The following BLM variants were observed in gnomAD, a reference collection of about 807,000 sequenced individuals.
BLM encodes recQ-like DNA helicase BLM.
In BLM, 95 loss-of-function variants were observed where a neutral mutation model predicts 135.3. That is an observed-to-expected ratio of 0.70 (90% CI 0.59 to 0.83). BLM has a LOEUF of 0.83. Ranked by LOEUF, BLM falls within the 40% of genes least tolerant of loss-of-function variation. The probability of loss-of-function intolerance (pLI) is 0.00; values close to 1 mark genes in which losing one functional copy is unlikely to be tolerated. For missense variants in BLM, 1,518 were observed against 1,663.9 expected, an observed-to-expected ratio of 0.91 and a Z score of 1.53; for synonymous variants, 520 against 589.2, an observed-to-expected ratio of 0.88 and a Z score of 1.70.
In BLM at chr15:90,780,260, T is replaced by A. The variant is rs1896586758; in HGVS notation, c.2556-2562T>A. Among the ~76,000 whole-genome samples, 3 of 152,206 alleles carry A rather than the reference T, an allele frequency of 2.0e-5. 1 individual carries two copies. In the South Asian group the frequency reaches 6.2e-4, roughly 32 times the overall value. ...CCACCATGCCTGGCTAGTTTTTGTATTTTTAGTAGAGACAGGGTTTCACCA... is the reference window on the plus strand; with the variant it reads ...CCACCATGCCTGGCTAGTTTTTGTAATTTTAGTAGAGACAGGGTTTCACCA... On this transcript the variant is annotated intron_variant, in intron 12 of 21. Coordinates refer to ENST00000355112, the MANE Select transcript of BLM (RefSeq NM_000057.4).
At chr15:90,780,285 A>G (rs556082803) in intron 12 of BLM, among the ~76,000 whole-genome samples, 2 of 152,218 alleles carry the variant, frequency 1.3e-5, no homozygotes, top group Admixed American at 6.5e-5. Context: ...GGGTTTCACC[A>G]TGTTGGTTAG....
intron 10 of BLM, 51 bp from the exon 11 acceptor site, chr15:90,769,082 T>G: frequency 7.7e-5 from 105 of 1,361,420 alleles, no homozygotes; most frequent in Non-Finnish European, 1.0e-4. Flanking sequence ...CACAGAATCA[T>G]GAGGTGATGT....
At chr15:90,722,904 G>A (rs998597372) in intron 1 of BLM, among the ~76,000 whole-genome samples, 13 of 152,078 alleles carry the variant, frequency 8.5e-5, no homozygotes, top group Admixed American at 5.2e-4. Flanking sequence ...GCAGTGGCGC[G>A]ATCTCGGCTC....
Position 90,766,904 on chromosome 15 carries a change from A to G in BLM, c.2194-6A>G, listed in dbSNP as rs946104255. 7 of 1,535,818 alleles carry G rather than the reference A, an allele frequency of 4.6e-6. No individual in the cohort carries two copies. In the Admixed American group the frequency reaches 5.0e-5, roughly 11 times the overall value. On this transcript the variant is annotated splice_region_variant and splice_polypyrimidine_tract_variant and intron_variant, in intron 9 of 21. Transcript: ENST00000355112. Reference sequence around the variant, plus strand: ...AATTGAAATTGTTTACTACTTTTATACTTAGATTCCAGCTACATATCTGAC... The same window carrying G: ...AATTGAAATTGTTTACTACTTTTATGCTTAGATTCCAGCTACATATCTGAC...
intron 4 of BLM, 65 bp from the exon 5 acceptor site, chr15:90,754,746 C>T: frequency 6.5e-7 from 1 of 1,535,886 alleles, no homozygotes; most frequent in Non-Finnish European, 8.9e-7. Flanking sequence ...TTAAGGGTTT[C>T]AAAATTATAC....
chr15:90,789,976 C>A (rs1394507789), intron 14 of BLM, among the ~76,000 whole-genome samples: 1 of 137,504 alleles, frequency 7.3e-6, no homozygotes, highest in African/African-American at 2.8e-5. Context: ...CTAAGATCCG[C>A]AGTCCCTGGT....
At chr15:90,738,545 A>G (rs1214361376) in intron 1 of BLM, among the ~76,000 whole-genome samples, 2 of 151,720 alleles carry the variant, frequency 1.3e-5, no homozygotes, top group African/African-American at 4.8e-5. Flanking sequence ...CCTGGGTGAC[A>G]GAGTGAAACC....
At chr15:90,758,461 T>A (rs1007214223) in intron 5 of BLM, among the ~76,000 whole-genome samples, 5 of 152,174 alleles carry the variant, frequency 3.3e-5, no homozygotes, top group Non-Finnish European at 5.9e-5. Flanking sequence ...CACTCCAGCC[T>A]GGAAGACAGA....
chr15:90,783,638 G>A (rs192536680), intron 13 of BLM, among the ~76,000 whole-genome samples: 4 of 152,226 alleles, frequency 2.6e-5, no homozygotes, highest in East Asian at 1.9e-4. Context: ...TGTGGTTCAC[G>A]CCTGTAATCT....
At chr15:90,739,840 A>T (rs1230959603) in intron 1 of BLM, among the ~76,000 whole-genome samples, 1 of 152,110 alleles carries the variant, frequency 6.6e-6, no homozygotes, top group East Asian at 1.9e-4. Context: ...ATCACAGCTC[A>T]CTGCAGCCTC....
chr15:90,796,532 G>A (rs546829888), intron 16 of BLM, among the ~76,000 whole-genome samples: 28 of 152,272 alleles, frequency 1.8e-4, no homozygotes, highest in Non-Finnish European at 3.2e-4. Context: ...ATCTTCCATG[G>A]CTGTGTTCCA....
At chr15:90,759,975 T>C (rs1895922871) in intron 5 of BLM, 172 bp from the exon 6 acceptor site, 3 of 454,292 alleles carry the variant, frequency 6.6e-6, no homozygotes, top group Non-Finnish European at 1.2e-5. Context: ...TTTTTTTTAG[T>C]GACAGGGTCT....
At chr15:90,814,827 A>AG (rs1293592690) in intron 21 of BLM, among the ~76,000 whole-genome samples, 1 of 152,110 alleles carries the variant, frequency 6.6e-6, no homozygotes, top group Non-Finnish European at 1.5e-5. Context: ...GGGTGGAGAG[A>AG]GGGGCGGTGG....
At chr15:90,753,226 A>G (rs566196962) in intron 4 of BLM, among the ~76,000 whole-genome samples, 1 of 152,266 alleles carries the variant, frequency 6.6e-6, no homozygotes, top group African/African-American at 2.4e-5. Flanking sequence ...AGCCTGGGCA[A>G]CATAGCGAGA....
chr15:90,777,594 GATA>G (rs142865446), intron 12 of BLM, among the ~76,000 whole-genome samples: 3,150 of 152,216 alleles, frequency 0.021, 100 homozygotes, highest in African/African-American at 0.072. Flanking sequence ...CCCCAAACAG[GATA>G]ATATTTACCA....
intron 14 of BLM, chr15:90,790,149 G>A (rs1345685969): frequency 6.1e-6 from 1 of 163,172 alleles, no homozygotes; most frequent in Non-Finnish European, 1.3e-5. Flanking sequence ...TGGGAAAACT[G>A]ATGATAAGCA....
chr15:90,793,582 C>G (rs776059962), intron 15 of BLM, among the ~76,000 whole-genome samples: 1 of 152,088 alleles, frequency 6.6e-6, no homozygotes, highest in Non-Finnish European at 1.5e-5. Context: ...ATAGCAACTG[C>G]GAAAAACCCA....
At chr15:90,773,511 C>CTTTTT (rs55678339) in intron 12 of BLM, among the ~76,000 whole-genome samples, 1,625 of 100,256 alleles carry the variant, frequency 0.016, 1 homozygote, top group Non-Finnish European at 0.018. Context: ...CTTCAATGGC[C>CTTTTT]TTTTTTTTTT....
chr15:90,770,409 C>G (rs1896279789), intron 12 of BLM, among the ~76,000 whole-genome samples: 1 of 152,138 alleles, frequency 6.6e-6, no homozygotes, highest in African/African-American at 2.4e-5. Context: ...ATCTCCTGAC[C>G]TCGTGATCCG....
Sources: allele counts gnomAD v4.1 joint callset (sites outside exome capture counted in the v4.1 genomes callset), GRCh38; gene constraint gnomAD v4.1.1; transcripts MANE v1.5; gene names NCBI Gene and HGNC (gene_info 2026-07-23, HGNC 2026-07-21).